Variants in MYO1D observed in about 807,000 individuals in gnomAD.
MYO1D encodes the protein unconventional myosin-Id.
A neutral mutation model predicts 122.0 loss-of-function variants in MYO1D; 83 were observed. The ratio of observed to expected loss-of-function variants is 0.68; its 90% confidence interval spans 0.57 to 0.82. MYO1D has a LOEUF of 0.82. MYO1D is among the 40% of genes least tolerant of loss of function. The pLI is 0.00. For missense variants in MYO1D, 1,157 were observed against 1,269.5 expected (o/e 0.91, Z 1.35); for synonymous variants, 464 against 446.9 (o/e 1.04, Z -0.48).
At chr17:32,581,950 A>C (rs1422027637) in intron 21 of MYO1D, among the ~76,000 whole-genome samples, 1 of 152,082 alleles carries the variant, frequency 6.6e-6, no homozygotes, top group Admixed American at 6.5e-5. Flanking sequence ...TTTTTAGTAG[A>C]GATGGGGTTT....
chr17:32,850,700 C>T (rs1232567141), intron 1 of MYO1D, among the ~76,000 whole-genome samples: 1 of 151,966 alleles, frequency 6.6e-6, no homozygotes, highest in Non-Finnish European at 1.5e-5. Flanking sequence ...TCTTATGTAC[C>T]CTGTTTTTTG....
chr17:32,686,996 CACACACACA>C, intron 16 of MYO1D, among the ~76,000 whole-genome samples: 1 of 132,028 alleles, frequency 7.6e-6, no homozygotes, highest in East Asian at 2.5e-4. Context: ...CACACACACA[CACACACACA>C]CCAAAAAACA....
chr17:32,720,705 C>A (rs1307827750), intron 15 of MYO1D, among the ~76,000 whole-genome samples: 1 of 152,124 alleles, frequency 6.6e-6, no homozygotes, highest in Non-Finnish European at 1.5e-5. Context: ...AGTTAAATTT[C>A]TGGCCCATGA....
At chr17:32,561,508 T>C (rs1474660336) in intron 21 of MYO1D, among the ~76,000 whole-genome samples, 3 of 151,762 alleles carry the variant, frequency 2.0e-5, no homozygotes, top group Non-Finnish European at 2.9e-5. Flanking sequence ...GCCAACATGG[T>C]GAAACCTCGT....
At chr17:32,665,278 T>G (rs1473725113) in intron 16 of MYO1D, among the ~76,000 whole-genome samples, 1 of 147,282 alleles carries the variant, frequency 6.8e-6, no homozygotes, top group Non-Finnish European at 1.5e-5. Context: ...CAGCACTCAA[T>G]CCCTTCCAAC....
At chr17:32,631,633 C>T (rs528115647) in intron 20 of MYO1D, among the ~76,000 whole-genome samples, 69 of 149,692 alleles carry the variant, frequency 4.6e-4, no homozygotes, top group African/African-American at 1.7e-3. Context: ...GGCAACAGAG[C>T]GAGAACCCGT....
Position 32,775,853 on chromosome 17 carries a change from G to C in MYO1D, c.564+11C>G, listed in dbSNP as rs754959170. The C allele has an allele frequency of 2.7e-5, 43 of 1,586,148 alleles. No individual in the cohort carries two copies. Among genetic ancestry groups the C allele is most frequent in the Non-Finnish European group, 2.9e-5 (34 of 1,163,744 alleles). Reference sequence around the variant, plus strand: ...TTAAAACATTACCCTCAGAAATTAAGCATATTTTACCTTTTCTAGTAAGTA... The same window carrying C: ...TTAAAACATTACCCTCAGAAATTAACCATATTTTACCTTTTCTAGTAAGTA... On this transcript the variant is annotated intron_variant, in intron 4 of 21. Coordinates refer to ENST00000318217, the MANE Select transcript of MYO1D (RefSeq NM_015194.3).
chr17:32,644,764 T>C (rs1049081795), intron 19 of MYO1D, among the ~76,000 whole-genome samples: 2 of 152,300 alleles, frequency 1.3e-5, no homozygotes, highest in South Asian at 2.1e-4. Context: ...TTCTATTAGA[T>C]TGGTAGATCT....
intron 21 of MYO1D, among the ~76,000 whole-genome samples, chr17:32,532,491 G>T (rs1910535829): frequency 6.6e-6 from 1 of 152,168 alleles, no homozygotes; most frequent in African/African-American, 2.4e-5. Flanking sequence ...ACTTTGGGAG[G>T]CTGAGGTGGG....
intron 1 of MYO1D, among the ~76,000 whole-genome samples, chr17:32,834,958 G>C (rs1413265571): frequency 6.6e-6 from 1 of 152,182 alleles, no homozygotes; most frequent in Non-Finnish European, 1.5e-5. Flanking sequence ...GTTGCAGTGA[G>C]CCCAGATCGC....
chr17:32,504,749 C>CA (rs1909437454), intron 21 of MYO1D: 1 of 152,290 alleles, frequency 6.6e-6, no homozygotes, highest in Non-Finnish European at 1.5e-5. Flanking sequence ...TTTTCAGCCA[C>CA]TTCCTAGACA....
chr17:32,527,861 CAG>C (rs1910393756), intron 21 of MYO1D, among the ~76,000 whole-genome samples: 1 of 142,600 alleles, frequency 7.0e-6, no homozygotes, highest in Admixed American at 7.1e-5. Flanking sequence ...TTTTTTGAGG[CAG>C]AGTCTTGCTC....
intron 21 of MYO1D, among the ~76,000 whole-genome samples, chr17:32,579,147 C>T (rs1041368150): frequency 6.6e-6 from 1 of 152,160 alleles, no homozygotes; most frequent in Non-Finnish European, 1.5e-5. Flanking sequence ...CAGCTCACTA[C>T]AGCCTCAGCC....
chr17:32,876,649 G>A, intron 1 of MYO1D, 129 bp downstream of exon 1: 5 of 680,380 alleles, frequency 7.3e-6, no homozygotes, highest in Non-Finnish European at 1.1e-5. Flanking sequence ...CCCGGACACC[G>A]CAGCCCGGCC....
chr17:32,598,213 A>C (rs1304093778), intron 21 of MYO1D, among the ~76,000 whole-genome samples: 1 of 152,046 alleles, frequency 6.6e-6, no homozygotes, highest in Admixed American at 6.6e-5. Context: ...ATCTCTACTA[A>C]AAACACAAAA....
intron 16 of MYO1D, among the ~76,000 whole-genome samples, chr17:32,696,496 G>A (rs2089176026): frequency 6.6e-6 from 1 of 152,210 alleles, no homozygotes. Flanking sequence ...TAGTAATGAG[G>A]AACCTTGACA....
intron 1 of MYO1D, among the ~76,000 whole-genome samples, chr17:32,809,997 G>C (rs2090555460): frequency 2.0e-5 from 3 of 152,158 alleles, no homozygotes; most frequent in Admixed American, 2.0e-4. Flanking sequence ...CTAAGTAAAG[G>C]GTGAAGGGAA....
At chr17:32,581,579 C>CTT (rs996827776) in intron 21 of MYO1D, among the ~76,000 whole-genome samples, 1 of 149,044 alleles carries the variant, frequency 6.7e-6, no homozygotes, top group African/African-American at 2.5e-5. Context: ...CTCTCGCTCT[C>CTT]TTTTTTTTTC....
intron 1 of MYO1D, among the ~76,000 whole-genome samples, chr17:32,797,142 T>C (rs1351444638): frequency 6.6e-6 from 1 of 152,158 alleles, no homozygotes; most frequent in Non-Finnish European, 1.5e-5. Flanking sequence ...GGCTAATTTT[T>C]TGTATTTTAG....
Sources: gnomAD v4.1 joint callset for allele counts (sites outside exome capture counted in the v4.1 genomes callset) on GRCh38, gnomAD v4.1.1 for gene constraint, MANE v1.5 for transcripts, NCBI Gene and HGNC (gene_info 2026-07-23, HGNC 2026-07-21) for gene names.